Variants in SEPSECS observed in about 807,000 individuals in gnomAD.
SEPSECS encodes the protein O-phosphoseryl-tRNA(Sec) selenium transferase.
Under a neutral mutation model 52.1 loss-of-function variants are expected in SEPSECS, and 42 were observed. The observed-to-expected ratio is 0.81, with a 90% CI of 0.63 to 1.04. The LOEUF is 1.04. Among genes scored for constraint, SEPSECS ranks in the 50% least tolerant of loss-of-function variants. SEPSECS has a pLI of 0.00. For synonymous variants in SEPSECS, 216 were observed against 211.4 expected (o/e 1.02, Z -0.19); for missense variants, 590 against 610.6 (o/e 0.97, Z 0.36).
intron 8 of SEPSECS, among the ~76,000 whole-genome samples, chr4:25,141,908 G>C (rs1711574102): frequency 6.6e-6 from 1 of 152,162 alleles, no homozygotes; most frequent in Non-Finnish European, 1.5e-5. Flanking sequence ...CTAGAGTCCT[G>C]ATACTGGCTT....
chr4:25,144,770 T>C lies in SEPSECS; in HGVS notation c.1026+4A>G, dbSNP rs1480625320. 3.1e-6 allele frequency: 5 copies of C among 1,590,756 alleles called. No individual in the cohort carries two copies. Among genetic ancestry groups the C allele is most frequent in the Non-Finnish European group, 4.3e-6 (5 of 1,159,284 alleles). ...GTTATTCGACACCTAAAGGGAAAGC[T>C]TACCTTTCTTTCTTTTAGTAGCTTC... On this transcript the variant is annotated splice_donor_region_variant and intron_variant, in intron 8 of 10. Coordinates refer to ENST00000382103, the MANE Select transcript of SEPSECS (RefSeq NM_016955.4).
At chr4:25,145,648 T>G (rs796292285) in intron 6 of SEPSECS, among the ~76,000 whole-genome samples, 1 of 152,200 alleles carries the variant, frequency 6.6e-6, no homozygotes, top group Non-Finnish European at 1.5e-5. Flanking sequence ...TGTGCTCCTT[T>G]TTTTGACAAC....
chr4:25,146,460 TAA>T, intron 6 of SEPSECS, among the ~76,000 whole-genome samples: 1 of 114,182 alleles, frequency 8.8e-6, no homozygotes, highest in East Asian at 2.3e-4. Context: ...GAGATGCATA[TAA>T]GACTAACAGA....
At chr4:25,160,123 G>A (rs1712973886) in intron 1 of SEPSECS, 133 bp downstream of exon 1, 4 of 1,472,820 alleles carry the variant, frequency 2.7e-6, no homozygotes, top group African/African-American at 1.4e-5. Flanking sequence ...GCTAGGGCAA[G>A]CCAAGCTGAG....
intron 1 of SEPSECS, chr4:25,159,732 A>G (rs966885217): frequency 4.5e-6 from 4 of 890,378 alleles, no homozygotes; most frequent in Non-Finnish European, 5.7e-6. Flanking sequence ...AGATCGTCAC[A>G]CTGCATTCCA....
At position 25,150,631 on chromosome 4, in the gene SEPSECS, T is replaced by C. The variant is rs550107423; in HGVS notation, c.804+1329A>G. Among the ~76,000 whole-genome samples the C allele has an allele frequency of 1.1e-4, 16 of 151,844 alleles. 1 individual carries two copies. In the South Asian group the frequency reaches 3.3e-3, roughly 32 times the overall value. ...TAAGACACCACTGATTATTAAGACA[T>C]CAGAATTTCAGATGTCAAAATGTAG... On this transcript the variant is annotated intron_variant, in intron 6 of 10. Coordinates refer to ENST00000382103, the MANE Select transcript of SEPSECS (RefSeq NM_016955.4).
intron 8 of SEPSECS, among the ~76,000 whole-genome samples, chr4:25,134,015 T>A (rs1728723583): frequency 6.7e-6 from 1 of 148,152 alleles, no homozygotes; most frequent in South Asian, 2.1e-4. Flanking sequence ...CACCAGTTAC[T>A]CAGGAGGCTG....
In SEPSECS at chr4:25,136,227, T is replaced by G. The variant is rs149153421; in HGVS notation, c.1026+8547A>C. On this transcript the variant is annotated intron_variant, in intron 8 of 10. Coordinates refer to ENST00000382103, the MANE Select transcript of SEPSECS (RefSeq NM_016955.4). ...AGGCCAATCAGGCAAGAGAAAGAAA[T>G]AAAGGGTATTCAAATGGGAAGAGAG... Among the ~76,000 whole-genome samples, 867 of 152,096 alleles carry G rather than the reference T, an allele frequency of 5.7e-3. 9 individuals are homozygous for G. The highest frequency in any genetic ancestry group is 0.02 in the African/African-American group (818 of 41,496).
chr4:25,138,222 A>G (rs553557751), intron 8 of SEPSECS, among the ~76,000 whole-genome samples: 2 of 152,190 alleles, frequency 1.3e-5, no homozygotes, highest in Non-Finnish European at 2.9e-5. Flanking sequence ...ACCTAAAATA[A>G]TATTTTTTTA....
Position 25,159,125 on chromosome 4 carries a change from ACTTATGATTATATTTAAT to A in SEPSECS, c.115-36_115-19del. 4 of 1,506,840 alleles carry A rather than the reference ACTTATGATTATATTTAAT, an allele frequency of 2.7e-6. No homozygotes were observed. The highest frequency in any genetic ancestry group is 3.6e-6 in the Non-Finnish European group (4 of 1,114,704). 93.3% of individuals were successfully genotyped at this position (1,506,840 alleles called of 1,614,324 possible). On this transcript the variant is annotated intron_variant, in intron 1 of 10. Transcript: ENST00000382103. Reference sequence around the variant, plus strand: ...CACTTGCCCTTAAAAAAAAAAAAAAACTTATGATTATATTTAATAAAACTACCGTTCTCTAGAATACTA... The same window carrying A: ...CACTTGCCCTTAAAAAAAAAAAAAAAAAAACTACCGTTCTCTAGAATACTA...
intron 8 of SEPSECS, among the ~76,000 whole-genome samples, chr4:25,141,337 C>T (rs1024852550): frequency 6.6e-6 from 1 of 152,172 alleles, no homozygotes; most frequent in Non-Finnish European, 1.5e-5. Context: ...GGCCAATTAA[C>T]TCCCAGATTT....
At chr4:25,147,914 T>C (rs1038469513) in intron 6 of SEPSECS, among the ~76,000 whole-genome samples, 5 of 152,220 alleles carry the variant, frequency 3.3e-5, no homozygotes, top group Non-Finnish European at 7.3e-5. Context: ...AATGGGACTT[T>C]GGAGTCGCAC....
At position 25,123,053 on chromosome 4, in the gene SEPSECS, A is replaced by T. The variant is rs2109475936; in HGVS notation, c.*878T>A. ...ATCCAAAAGGAAAAATGCACCAGTG[A>T]GCACCATATAAAACAATTTATAATG... On this transcript the variant is annotated 3_prime_UTR_variant, in exon 11 of 11. Coordinates refer to ENST00000382103, the MANE Select transcript of SEPSECS (RefSeq NM_016955.4). The T allele has an allele frequency of 6.6e-6, 1 of 152,304 alleles. No homozygotes were observed. The highest frequency in any genetic ancestry group is 1.9e-4 in the East Asian group (1 of 5,188). 9.4% of individuals were successfully genotyped at this position (152,304 alleles called of 1,614,324 possible). A position where few individuals can be genotyped will look rare whatever the true frequency, so the allele number is the denominator to read the frequency against.
At chr4:25,143,755 T>C (rs1056904480) in intron 8 of SEPSECS, among the ~76,000 whole-genome samples, 1 of 152,200 alleles carries the variant, frequency 6.6e-6, no homozygotes, top group Non-Finnish European at 1.5e-5. Flanking sequence ...AGATCATCTA[T>C]GAGATAATAC....
chr4:25,144,721 T>G (rs1711848591), intron 8 of SEPSECS, 53 bp downstream of exon 8: 2 of 1,266,104 alleles, frequency 1.6e-6, no homozygotes, highest in Non-Finnish European at 2.3e-6. Context: ...ACCAATGATT[T>G]GGAGCACAGT....
chr4:25,160,069 A>T, intron 1 of SEPSECS, 187 bp downstream of exon 1: 1 of 985,364 alleles, frequency 1.0e-6, no homozygotes, highest in Non-Finnish European at 1.2e-6. Flanking sequence ...TTTGGCTTTC[A>T]CTGGCTTTGG....
chr4:25,132,368 T>G (rs1728644992), intron 8 of SEPSECS, among the ~76,000 whole-genome samples: 1 of 152,224 alleles, frequency 6.6e-6, no homozygotes, highest in African/African-American at 2.4e-5. Flanking sequence ...TAGCTCTGGC[T>G]GGAGCAAAAT....
chr4:25,140,323 G>C (rs1729009798), intron 8 of SEPSECS, among the ~76,000 whole-genome samples: 1 of 152,110 alleles, frequency 6.6e-6, no homozygotes, highest in African/African-American at 2.4e-5. Flanking sequence ...GAGTTTTTTT[G>C]GCCAGAGTAG....
intron 2 of SEPSECS, among the ~76,000 whole-genome samples, chr4:25,158,551 T>C (rs1022376594): frequency 1.3e-5 from 2 of 152,014 alleles, no homozygotes; most frequent in African/African-American, 4.8e-5. Flanking sequence ...TAAAACAAAA[T>C]TTAAAGTTGA....
Sources: gnomAD v4.1 joint callset for allele counts (sites outside exome capture counted in the v4.1 genomes callset) on GRCh38, gnomAD v4.1.1 for gene constraint, MANE v1.5 for transcripts, NCBI Gene and HGNC (gene_info 2026-07-23, HGNC 2026-07-21) for gene names.